The following RPS6KC1 variants were observed in gnomAD, a reference collection of about 807,000 sequenced individuals.
The protein encoded by RPS6KC1 is inactive ribosomal protein S6 kinase delta-1.
Under a neutral mutation model 103.8 loss-of-function variants are expected in RPS6KC1, and 54 were observed. That is an observed-to-expected ratio of 0.52 (90% CI 0.42 to 0.65). The LOEUF is 0.65. Among genes scored for constraint, RPS6KC1 ranks in the 30% least tolerant of loss-of-function variants. The probability of loss-of-function intolerance (pLI) is 0.00; values close to 1 mark genes in which losing one functional copy is unlikely to be tolerated. For missense variants in RPS6KC1, 1,151 were observed against 1,253.8 expected (o/e 0.92, Z 1.24); for synonymous variants, 439 against 438.7 (o/e 1.00, Z -0.01).
chr1:213,566,393 A>G, the RPS6KC1 span, among the ~76,000 whole-genome samples: 1 of 133,796 alleles, frequency 7.5e-6, no homozygotes, highest in Non-Finnish European at 1.6e-5. Context: ...CTCAGGTCTC[A>G]TAAAGTTACT....
chr1:213,200,239 A>G (rs370677694), intron 8 of RPS6KC1, among the ~76,000 whole-genome samples: 16 of 152,350 alleles, frequency 1.1e-4, no homozygotes, highest in African/African-American at 2.9e-4. Context: ...AAAGTATACT[A>G]CAAGGCTACA....
chr1:213,075,861 G>T (rs2079288968), intron 2 of RPS6KC1, among the ~76,000 whole-genome samples: 1 of 151,794 alleles, frequency 6.6e-6, no homozygotes, highest in Non-Finnish European at 1.5e-5. Flanking sequence ...TTTTATTTTT[G>T]TCAGTCTACT....
At chr1:213,332,515 C>T in the RPS6KC1 span, among the ~76,000 whole-genome samples, 4 of 152,198 alleles carry the variant, frequency 2.6e-5, no homozygotes, top group East Asian at 3.8e-4. Context: ...GGCAGCAGGA[C>T]GGCCAGCAGT....
intron 5 of RPS6KC1, among the ~76,000 whole-genome samples, chr1:213,120,130 C>T (rs1348804395): frequency 1.3e-5 from 2 of 152,094 alleles, no homozygotes; most frequent in African/African-American, 2.4e-5. Context: ...GTCAAAAACA[C>T]GGAAAATGAC....
the RPS6KC1 span, among the ~76,000 whole-genome samples, chr1:213,812,903 G>A: frequency 6.6e-6 from 1 of 152,124 alleles, no homozygotes; most frequent in South Asian, 2.1e-4. Context: ...GAGTTGAGGA[G>A]GTTAAGAAAA....
chr1:213,199,574 TG>T (rs1363564076), intron 8 of RPS6KC1, among the ~76,000 whole-genome samples: 2 of 152,206 alleles, frequency 1.3e-5, no homozygotes, highest in African/African-American at 4.8e-5. Flanking sequence ...GCATTTCCCT[TG>T]AAAACTGGCA....
the RPS6KC1 span, among the ~76,000 whole-genome samples, chr1:213,325,690 G>T: frequency 1.3e-5 from 2 of 152,310 alleles, no homozygotes; most frequent in South Asian, 2.1e-4. Context: ...AGCAGAGTCC[G>T]CTGGGAAAGC....
intron 6 of RPS6KC1, among the ~76,000 whole-genome samples, chr1:213,158,905 C>T (rs560214857): frequency 5.9e-5 from 9 of 152,104 alleles, no homozygotes; most frequent in African/African-American, 2.2e-4. Context: ...TTACCCAGAA[C>T]CTTCAGGAAT....
At chr1:213,557,301 T>C in the RPS6KC1 span, among the ~76,000 whole-genome samples, 129 of 152,342 alleles carry the variant, frequency 8.5e-4, no homozygotes, top group African/African-American at 2.6e-3. Flanking sequence ...AGGCCTGGCA[T>C]CACCTTTTTC....
chr1:213,124,407 C>T lies in RPS6KC1; in HGVS notation c.473-5120C>T, dbSNP rs116609331. On this transcript the variant is annotated intron_variant, in intron 5 of 14. Transcript: ENST00000366960. ...GCCCTGCCTTATCCACAATGTCCTT[C>T]CTACCTAGACTGAGAACCTGTCACT... Among the ~76,000 whole-genome samples, 786 of 152,224 alleles carry T rather than the reference C, an allele frequency of 5.2e-3. 5 individuals carry two copies. Among genetic ancestry groups the T allele is most frequent in the African/African-American group, 0.018 (743 of 41,546 alleles).
chr1:213,346,191 T>G, the RPS6KC1 span, among the ~76,000 whole-genome samples: 1 of 152,184 alleles, frequency 6.6e-6, no homozygotes, highest in Admixed American at 6.5e-5. Context: ...AAGTCCAGCT[T>G]TTTAGTTATT....
the RPS6KC1 span, among the ~76,000 whole-genome samples, chr1:213,615,790 G>A: frequency 2.0e-5 from 3 of 152,224 alleles, no homozygotes; most frequent in African/African-American, 7.2e-5. Context: ...AGTCCAGGGG[G>A]AGGCATCCAG....
At chr1:213,601,874 CTTCCTTCCTTTT>C in the RPS6KC1 span, among the ~76,000 whole-genome samples, 3 of 151,366 alleles carry the variant, frequency 2.0e-5, no homozygotes, top group South Asian at 2.1e-4. Flanking sequence ...CATTTCTTTT[CTTCCTTCCTTTT>C]TTCCTTCCTT....
At chr1:213,191,889 ACCTC>A (rs1333634908) in intron 8 of RPS6KC1, among the ~76,000 whole-genome samples, 7 of 151,552 alleles carry the variant, frequency 4.6e-5, no homozygotes, top group African/African-American at 1.7e-4. Context: ...GCTCACTGCA[ACCTC>A]CGCCTCCCAT....
At chr1:213,097,352 A>G (rs1359030474) in intron 3 of RPS6KC1, among the ~76,000 whole-genome samples, 1 of 152,200 alleles carries the variant, frequency 6.6e-6, no homozygotes, top group Non-Finnish European at 1.5e-5. Flanking sequence ...ACTGTCTCAA[A>G]AAAAATTTTT....
the RPS6KC1 span, among the ~76,000 whole-genome samples, chr1:213,418,604 G>A: frequency 6.6e-6 from 1 of 152,164 alleles, no homozygotes; most frequent in Non-Finnish European, 1.5e-5. Flanking sequence ...TGTTAAAAAA[G>A]CTTTCACACA....
chr1:213,432,389 T>G, the RPS6KC1 span, among the ~76,000 whole-genome samples: 4 of 152,218 alleles, frequency 2.6e-5, no homozygotes, highest in East Asian at 7.7e-4. Flanking sequence ...TTCTCTTATT[T>G]TTATCTTCTA....
chr1:213,180,219 A>G (rs571830770), intron 8 of RPS6KC1, among the ~76,000 whole-genome samples: 2 of 152,308 alleles, frequency 1.3e-5, no homozygotes, highest in Admixed American at 6.5e-5. Context: ...GGGGAACTGT[A>G]TAATGTTTTC....
chr1:213,156,278 G>C (rs1304002497), intron 6 of RPS6KC1, among the ~76,000 whole-genome samples: 2 of 152,078 alleles, frequency 1.3e-5, no homozygotes, highest in African/African-American at 4.8e-5. Flanking sequence ...TAATGAACTT[G>C]AGGACATAGT....
Sources: gnomAD v4.1 joint callset for allele counts (sites outside exome capture counted in the v4.1 genomes callset) on GRCh38, gnomAD v4.1.1 for gene constraint, MANE v1.5 for transcripts, NCBI Gene and HGNC (gene_info 2026-07-23, HGNC 2026-07-21) for gene names.